DGKI: variants seen among roughly 807,000 people sequenced by gnomAD.
DGKI encodes diacylglycerol kinase iota.
A neutral mutation model predicts 147.5 loss-of-function variants in DGKI; 55 were observed. The observed-to-expected ratio is 0.37, with a 90% CI of 0.30 to 0.47. DGKI has a LOEUF of 0.47. Ranked by LOEUF, DGKI falls within the 20% of genes least tolerant of loss-of-function variation. DGKI has a pLI of 1.00. For missense variants in DGKI, 1,007 were observed against 1,323.8 expected (o/e 0.76, Z 3.71); for synonymous variants, 469 against 477.1 (o/e 0.98, Z 0.22).
chr7:137,840,210 G>C (rs1429062339), intron 1 of DGKI, among the ~76,000 whole-genome samples: 1 of 152,132 alleles, frequency 6.6e-6, no homozygotes, highest in Non-Finnish European at 1.5e-5. Flanking sequence ...TTTATTAAGT[G>C]GGTTAAAAAC....
At chr7:137,814,789 C>T (rs947964960) in intron 1 of DGKI, among the ~76,000 whole-genome samples, 3 of 152,058 alleles carry the variant, frequency 2.0e-5, no homozygotes, top group African/African-American at 7.2e-5. Context: ...GAATATGAGC[C>T]TATAAATATT....
intron 28 of DGKI, among the ~76,000 whole-genome samples, chr7:137,426,582 C>G (rs573751568): frequency 4.6e-5 from 7 of 152,186 alleles, no homozygotes; most frequent in Middle Eastern, 3.4e-3. Context: ...ACTAAATGCT[C>G]CAATTAAAAG....
chr7:137,585,474 A>AT (rs1342753706), intron 13 of DGKI, 128 bp from the exon 14 acceptor site: 11 of 1,092,604 alleles, frequency 1.0e-5, no homozygotes, highest in African/African-American at 7.9e-5. Flanking sequence ...TGAAGAGCAA[A>AT]TTTTTTACCT....
At chr7:137,629,016 A>G (rs1399249380) in intron 6 of DGKI, among the ~76,000 whole-genome samples, 1 of 152,218 alleles carries the variant, frequency 6.6e-6, no homozygotes, top group African/African-American at 2.4e-5. Context: ...TTGATCCAAC[A>G]CAAGAGTTGA....
chr7:137,821,660 A>G (rs1174429782), intron 1 of DGKI, among the ~76,000 whole-genome samples: 3 of 151,956 alleles, frequency 2.0e-5, no homozygotes, highest in East Asian at 3.9e-4. Flanking sequence ...GAAAAAAAAA[A>G]AAGAAAGAAA....
intron 17 of DGKI, among the ~76,000 whole-genome samples, chr7:137,575,996 T>C (rs1407718559): frequency 6.6e-6 from 1 of 152,032 alleles, no homozygotes; most frequent in Non-Finnish European, 1.5e-5. Context: ...TTTTCATGTA[T>C]ATATTTTGTT....
At chr7:137,715,157 G>C (rs976992049) in intron 1 of DGKI, among the ~76,000 whole-genome samples, 3 of 152,154 alleles carry the variant, frequency 2.0e-5, no homozygotes, top group African/African-American at 7.2e-5. Context: ...CAGTGGTCTG[G>C]TTTTTGAGAA....
At chr7:137,504,990 C>T (rs780443787) in intron 21 of DGKI, among the ~76,000 whole-genome samples, 2 of 151,888 alleles carry the variant, frequency 1.3e-5, no homozygotes, top group Non-Finnish European at 2.9e-5. Flanking sequence ...TGATAAAAGA[C>T]TGGTATCCCA....
chr7:137,402,678 C>A (rs971963134), intron 30 of DGKI, among the ~76,000 whole-genome samples: 54 of 152,162 alleles, frequency 3.5e-4, no homozygotes, highest in African/African-American at 1.3e-3. Context: ...TCTCTCTGGG[C>A]CCTCATTTCC....
At chr7:137,718,948 C>T (rs550839204) in intron 1 of DGKI, among the ~76,000 whole-genome samples, 54 of 152,268 alleles carry the variant, frequency 3.5e-4, no homozygotes, top group African/African-American at 1.0e-3. Flanking sequence ...ACAAGGGGCA[C>T]GGTCTTTCAC....
At chr7:137,418,617 T>C (rs1812446496) in intron 28 of DGKI, among the ~76,000 whole-genome samples, 1 of 151,004 alleles carries the variant, frequency 6.6e-6, no homozygotes, top group Admixed American at 6.7e-5. Flanking sequence ...ATGTCTATTT[T>C]TTAAAAGTTT....
chr7:137,648,983 C>T (rs1325929497), intron 5 of DGKI, among the ~76,000 whole-genome samples: 14 of 152,248 alleles, frequency 9.2e-5, no homozygotes, highest in Admixed American at 7.2e-4. Context: ...AAATCACTAT[C>T]GTAGAAGAAA....
chr7:137,786,200 T>A (rs1176200868), intron 1 of DGKI, among the ~76,000 whole-genome samples: 1 of 152,094 alleles, frequency 6.6e-6, no homozygotes, highest in Non-Finnish European at 1.5e-5. Flanking sequence ...GTGCTGATGA[T>A]ATCATTGTAT....
intron 1 of DGKI, among the ~76,000 whole-genome samples, chr7:137,741,560 AT>A (rs1795173359): frequency 6.6e-6 from 1 of 152,176 alleles, no homozygotes; most frequent in Non-Finnish European, 1.5e-5. Flanking sequence ...GAAAGATTTC[AT>A]TGGAATGCAT....
chr7:137,829,736 C>G (rs1798165589), intron 1 of DGKI, among the ~76,000 whole-genome samples: 2 of 152,156 alleles, frequency 1.3e-5, no homozygotes, highest in African/African-American at 4.8e-5. Flanking sequence ...ATTTTCTTGG[C>G]CACCAAATAT....
intron 23 of DGKI, among the ~76,000 whole-genome samples, chr7:137,473,333 GC>G (rs1464308934): frequency 2.0e-5 from 3 of 152,028 alleles, no homozygotes; most frequent in Non-Finnish European, 4.4e-5. Context: ...CACATGGGTC[GC>G]CATAAAGCTC....
At chr7:137,679,731 T>C (rs1226590690) in intron 2 of DGKI, among the ~76,000 whole-genome samples, 4 of 152,106 alleles carry the variant, frequency 2.6e-5, no homozygotes, top group Non-Finnish European at 5.9e-5. Context: ...CTCACACCTG[T>C]AATCCCAGCA....
intron 3 of DGKI, among the ~76,000 whole-genome samples, chr7:137,674,395 G>A (rs1283135668): frequency 6.6e-6 from 1 of 152,120 alleles, no homozygotes; most frequent in African/African-American, 2.4e-5. Flanking sequence ...GCAGCAGGAG[G>A]TCCCGGCTTT....
chr7:137,580,061 T>G (rs1293710562), intron 15 of DGKI, among the ~76,000 whole-genome samples: 1 of 152,140 alleles, frequency 6.6e-6, no homozygotes, highest in African/African-American at 2.4e-5. Context: ...AACTTCCGGA[T>G]AAGTTAGACT....
Sources: gnomAD v4.1 joint callset for allele counts (sites outside exome capture counted in the v4.1 genomes callset) on GRCh38, gnomAD v4.1.1 for gene constraint, MANE v1.5 for transcripts, NCBI Gene and HGNC (gene_info 2026-07-23, HGNC 2026-07-21) for gene names.